NDRG3: variants seen among roughly 807,000 people sequenced by gnomAD.
The protein encoded by NDRG3 is protein NDRG3.
In NDRG3, 23 loss-of-function variants were observed where a neutral mutation model predicts 57.2. The observed-to-expected ratio is 0.40, with a 90% CI of 0.29 to 0.57. The LOEUF (loss-of-function observed/expected upper bound fraction) is 0.57, where lower values mean the gene tolerates loss of function less well. Among genes scored for constraint, NDRG3 ranks in the 20% least tolerant of loss-of-function variants. The pLI is 0.42. For synonymous variants in NDRG3, 132 were observed against 162.6 expected, an observed-to-expected ratio of 0.81 and a Z score of 1.43; for missense variants, 384 against 457.3, an observed-to-expected ratio of 0.84 and a Z score of 1.46.
intron 6 of NDRG3, among the ~76,000 whole-genome samples, chr20:36,683,201 G>A (rs1167805424): frequency 2.0e-5 from 3 of 151,772 alleles, no homozygotes; most frequent in East Asian, 1.9e-4. Context: ...CCGAGAATGC[G>A]CCACTGCACT....
chr20:36,740,851 T>G (rs887029479), intron 1 of NDRG3, among the ~76,000 whole-genome samples: 1 of 152,172 alleles, frequency 6.6e-6, no homozygotes, highest in African/African-American at 2.4e-5. Context: ...TAGGTAAATA[T>G]TATACATTAG....
intron 1 of NDRG3, among the ~76,000 whole-genome samples, chr20:36,727,699 G>A (rs977614218): frequency 2.0e-5 from 3 of 151,654 alleles, no homozygotes; most frequent in Non-Finnish European, 4.4e-5. Flanking sequence ...CCGCCACCAC[G>A]CCCGGCTAAT....
At chr20:36,669,880 A>G (rs996776234) in intron 9 of NDRG3, among the ~76,000 whole-genome samples, 1 of 152,208 alleles carries the variant, frequency 6.6e-6, no homozygotes, top group South Asian at 2.1e-4. Context: ...TTACAGATGT[A>G]GAGCCACTGC....
chr20:36,717,936 C>T (rs1454246319), intron 2 of NDRG3, among the ~76,000 whole-genome samples: 3 of 152,156 alleles, frequency 2.0e-5, no homozygotes, highest in South Asian at 4.1e-4. Flanking sequence ...AGCAGTGTTC[C>T]ACAACAAACA....
chr20:36,739,827 G>A lies in NDRG3; in HGVS notation c.-49+6218C>T, dbSNP rs569007905. Among the ~76,000 whole-genome samples, 10 of 148,234 alleles carry A rather than the reference G, an allele frequency of 6.7e-5. No homozygotes were observed. The South Asian group carries it at 2.0e-3, about 29-fold the overall frequency. On this transcript the variant is annotated intron_variant, in intron 1 of 15. Coordinates refer to ENST00000349004, the MANE Select transcript of NDRG3 (RefSeq NM_032013.4). ...CGGGAGGCTGAGGCAGGAGAATGGC[G>A]TGAACCTGGTAGGCGGAGCTTGCAG...
rs1269077790 is a variant in NDRG3 at position 36,653,533 on chromosome 20, T to C, written c.1115A>G (p.Glu372Gly). 1.2e-6 allele frequency: 2 copies of C among 1,614,024 alleles called. No homozygotes were observed. The highest frequency in any genetic ancestry group is 8.5e-7 in the Non-Finnish European group (1 of 1,179,908). ...AGGAGCATCTGCTTAGCAGGACACC[T>C]CCATGGTCTGGTGTCTGTCCAGGAC... ...PDVLDRHQTMEVSC is the reference protein window; with the variant it reads ...PDVLDRHQTMGVSC The change falls in exon 16 of 16, where the codon GAG becomes GGG. Residue 372 changes from glutamate (E) to glycine (G), a missense_variant. Coordinates refer to ENST00000349004, the MANE Select transcript of NDRG3 (RefSeq NM_032013.4). This position sits in a 1 kb window ranked among gnomAD's most constrained non-coding sequence, Gnocchi z 4.2.
At chr20:36,667,680 AT>A (rs1169043802) in intron 9 of NDRG3, among the ~76,000 whole-genome samples, 3 of 152,198 alleles carry the variant, frequency 2.0e-5, no homozygotes, top group Non-Finnish European at 4.4e-5. Context: ...AAGAAATTGC[AT>A]TGGAGGAAAG....
At chr20:36,727,949 A>G (rs1014382615) in intron 1 of NDRG3, among the ~76,000 whole-genome samples, 1 of 152,206 alleles carries the variant, frequency 6.6e-6, no homozygotes, top group Admixed American at 6.5e-5. Flanking sequence ...CTATAGTGTC[A>G]GCTACTTGAA....
intron 3 of NDRG3, among the ~76,000 whole-genome samples, chr20:36,694,520 T>C (rs1982607812): frequency 1.3e-5 from 2 of 152,214 alleles, no homozygotes; most frequent in African/African-American, 4.8e-5. Context: ...TCAAGTTGTC[T>C]TCTGCTAATT....
At chr20:36,684,610 G>A in intron 5 of NDRG3, 135 bp from the exon 6 acceptor site, 2 of 725,214 alleles carry the variant, frequency 2.8e-6, no homozygotes, top group South Asian at 3.4e-5. Context: ...AGCACTTTGG[G>A]ACACCGAGGT....
At chr20:36,675,909 G>C (rs775784457) in intron 8 of NDRG3, among the ~76,000 whole-genome samples, 3 of 152,014 alleles carry the variant, frequency 2.0e-5, no homozygotes, top group Non-Finnish European at 2.9e-5. Context: ...GAACATTTAC[G>C]GCAATGTAAA....
At chr20:36,727,642 C>T (rs1207943936) in intron 1 of NDRG3, among the ~76,000 whole-genome samples, 1 of 149,434 alleles carries the variant, frequency 6.7e-6, no homozygotes, top group Non-Finnish European at 1.5e-5. Context: ...CCTGGGTTCA[C>T]GCCATTCTCC....
In NDRG3 at chr20:36,714,116, C is replaced by T. The variant is rs145581443; in HGVS notation, c.58-7109G>A. Among the ~76,000 whole-genome samples, 36 of 152,000 alleles carry T rather than the reference C, an allele frequency of 2.4e-4. 2 individuals are homozygous for T. The East Asian group carries it at 6.4e-3, about 27-fold the overall frequency. On this transcript the variant is annotated intron_variant, in intron 2 of 15. Coordinates refer to ENST00000349004, the MANE Select transcript of NDRG3 (RefSeq NM_032013.4). ...TATTAAAATCATCAGCAGGGCCGTG[C>T]GCGGTGGCTCATGCCTGTAATCCCA...
chr20:36,725,893 A>C (rs572050418), intron 1 of NDRG3, among the ~76,000 whole-genome samples: 39 of 151,500 alleles, frequency 2.6e-4, no homozygotes, highest in Admixed American at 2.5e-3. Context: ...AGGTGCCCTC[A>C]AGTCCAAAGT....
intron 1 of NDRG3, among the ~76,000 whole-genome samples, chr20:36,730,579 G>A (rs76132186): frequency 1.3e-5 from 2 of 151,850 alleles, no homozygotes; most frequent in African/African-American, 4.8e-5. Context: ...GGTCTGTCAG[G>A]CTCCTGAAAT....
At position 36,680,822 on chromosome 20, in the gene NDRG3, A is replaced by G; in HGVS notation, c.525T>C (p.Ala175=). 6.2e-7 allele frequency: 1 copy of G among 1,613,952 alleles called. No individual in the cohort carries two copies. The highest frequency in any genetic ancestry group is 1.1e-5 in the South Asian group (1 of 91,084). The change falls in exon 8 of 16, where the codon GCT becomes GCC. Residue 175 remains alanine (A), a synonymous_variant. Coordinates refer to ENST00000349004, the MANE Select transcript of NDRG3 (RefSeq NM_032013.4). ...ACCTTCATGTGGTACTTACTTTGGA[A>G]GCTGCCCAGTCAATCCAGCCTTTAG... ...PCAKGWIDWA[A]SKLSGLTTNV...
At chr20:36,726,918 T>C (rs933586119) in intron 1 of NDRG3, among the ~76,000 whole-genome samples, 10 of 151,190 alleles carry the variant, frequency 6.6e-5, no homozygotes, top group East Asian at 1.9e-4. Flanking sequence ...TTCTTTCTTT[T>C]TTTTTTTTTT....
rs1418368993 is a variant in NDRG3, at chr20:36,682,655, C to T, written c.384-77G>A. 4 of 1,265,808 alleles carry T rather than the reference C, an allele frequency of 3.2e-6. No individual in the cohort carries two copies. In the East Asian group the frequency reaches 7.1e-5, roughly 22 times the overall value. The allele number at this position is 1,265,808 out of a possible 1,614,324, so 78.4% of individuals were successfully genotyped here. ...GCATTGCATAATTGAAAGCATACAA[C>T]CTGGGTTGAAATCCTGGCTCTGATA... On this transcript the variant is annotated intron_variant, in intron 6 of 15. Coordinates refer to ENST00000349004, the MANE Select transcript of NDRG3 (RefSeq NM_032013.4).
At chr20:36,707,985 G>A (rs949597079) in intron 2 of NDRG3, among the ~76,000 whole-genome samples, 2 of 152,010 alleles carry the variant, frequency 1.3e-5, no homozygotes, top group African/African-American at 4.8e-5. Flanking sequence ...TTGGGAGGCC[G>A]AGGCAGGAGA....
Sources: allele counts gnomAD v4.1 joint callset (sites outside exome capture counted in the v4.1 genomes callset), GRCh38; gene constraint gnomAD v4.1.1; non-coding constraint Gnocchi (gnomAD v3.1); transcripts MANE v1.5; gene names NCBI Gene and HGNC (gene_info 2026-07-23, HGNC 2026-07-21).